The following ESRRG variants were observed in gnomAD, a reference collection of about 807,000 sequenced individuals.
ESRRG encodes estrogen related receptor gamma, also known as estrogen-related receptor gamma.
In ESRRG, 13 loss-of-function variants were observed where a neutral mutation model predicts 44.0. The observed-to-expected ratio is 0.30, with a 90% CI of 0.19 to 0.47. The LOEUF (loss-of-function observed/expected upper bound fraction) is 0.47, where lower values mean the gene tolerates loss of function less well. ESRRG is among the 20% of genes least tolerant of loss of function. The pLI is 1.00. For synonymous variants in ESRRG, 215 were observed against 214.6 expected (o/e 1.00, Z -0.02); for missense variants, 395 against 580.6 (o/e 0.68, Z 3.29).
chr1:217,118,812 T>C (rs1296879503), intron 1 of ESRRG, among the ~76,000 whole-genome samples: 3 of 151,812 alleles, frequency 2.0e-5, no homozygotes, highest in African/African-American at 7.3e-5. Context: ...GGCAACATAA[T>C]GAGACCCCAT....
chr1:216,909,241 T>A (rs1174376237), intron 2 of ESRRG, among the ~76,000 whole-genome samples: 1 of 152,214 alleles, frequency 6.6e-6, no homozygotes, highest in African/African-American at 2.4e-5. Context: ...CAGTGATAAC[T>A]ATAAAATCTC....
intron 1 of ESRRG, among the ~76,000 whole-genome samples, chr1:217,098,512 C>A (rs771075863): frequency 6.6e-6 from 1 of 152,142 alleles, no homozygotes; most frequent in Non-Finnish European, 1.5e-5. Flanking sequence ...AATCGATGCT[C>A]TTTTCCTGGA....
intron 1 of ESRRG, among the ~76,000 whole-genome samples, chr1:217,066,290 T>C (rs972400840): frequency 6.4e-5 from 9 of 141,708 alleles, no homozygotes; most frequent in Non-Finnish European, 1.2e-4. Flanking sequence ...AGTCTCGCTC[T>C]GTCGCCCAGG....
chr1:216,959,055 C>T (rs2068515799), intron 1 of ESRRG, among the ~76,000 whole-genome samples: 1 of 151,944 alleles, frequency 6.6e-6, no homozygotes, highest in Admixed American at 6.6e-5. Flanking sequence ...TCTCTCTTTC[C>T]CTCCCTTTTG....
intron 2 of ESRRG, among the ~76,000 whole-genome samples, chr1:216,855,950 C>T (rs1309890670): frequency 6.6e-6 from 1 of 152,150 alleles, no homozygotes; most frequent in African/African-American, 2.4e-5. Flanking sequence ...TGATGAGGTG[C>T]TTCCTCCAGT....
intron 3 of ESRRG, among the ~76,000 whole-genome samples, chr1:216,643,578 A>G (rs1292083547): frequency 2.6e-5 from 4 of 152,158 alleles, no homozygotes; most frequent in African/African-American, 9.7e-5. Context: ...CAGTGTCCTC[A>G]ACCTTACCAT....
At chr1:216,717,436 C>G (rs2152031257) in intron 1 of ESRRG, among the ~76,000 whole-genome samples, 1 of 151,916 alleles carries the variant, frequency 6.6e-6, no homozygotes, top group East Asian at 1.9e-4. Flanking sequence ...GTAAATCCTT[C>G]AAAAGGCTGT....
chr1:216,627,680 G>C (rs544876278), intron 3 of ESRRG, among the ~76,000 whole-genome samples: 27 of 152,212 alleles, frequency 1.8e-4, no homozygotes, highest in African/African-American at 6.0e-4. Flanking sequence ...GCAGCATTAG[G>C]CTCAAAAACG....
At chr1:216,868,036 C>T (rs2096197902) in intron 2 of ESRRG, among the ~76,000 whole-genome samples, 1 of 149,950 alleles carries the variant, frequency 6.7e-6, no homozygotes, top group Non-Finnish European at 1.5e-5. Flanking sequence ...ACTGGTCTCT[C>T]ACTCAGCATG....
Position 216,632,898 on chromosome 1 carries a change from C to A in ESRRG, c.589+18075G>T. 1.3e-5 allele frequency among the ~76,000 whole-genome samples: 2 copies of A among 152,128 alleles called. 1 individual carries two copies. The highest frequency in any genetic ancestry group is 4.2e-4 in the South Asian group (2 of 4,814). On this transcript the variant is annotated intron_variant, in intron 3 of 6. Transcript: ENST00000408911. ...ATTATTATAAAGTCAATAAATAGAG[C>A]TATAGACAGCTGGCTTTGTATAATA...
chr1:216,872,257 T>C (rs961893497), intron 2 of ESRRG, among the ~76,000 whole-genome samples: 2 of 152,150 alleles, frequency 1.3e-5, no homozygotes, highest in Non-Finnish European at 2.9e-5. Context: ...GCATTTTGAT[T>C]ATGATGTGTC....
chr1:216,555,321 A>G (rs925034911), intron 5 of ESRRG, among the ~76,000 whole-genome samples: 1 of 152,210 alleles, frequency 6.6e-6, no homozygotes, highest in African/African-American at 2.4e-5. Context: ...ACACTTTACT[A>G]TAAATCACTA....
At chr1:216,601,654 G>C (rs531936060) in intron 3 of ESRRG, among the ~76,000 whole-genome samples, 20 of 152,134 alleles carry the variant, frequency 1.3e-4, no homozygotes, top group Non-Finnish European at 2.5e-4. Flanking sequence ...CCTTGCAAGA[G>C]CTGTTGGACC....
At chr1:217,034,388 A>T (rs762459088) in intron 1 of ESRRG, among the ~76,000 whole-genome samples, 1 of 152,130 alleles carries the variant, frequency 6.6e-6, no homozygotes, top group Non-Finnish European at 1.5e-5. Context: ...TTAGAGTTTG[A>T]CAGTTTGAGA....
At chr1:216,778,201 G>A (rs1452988984) in intron 2 of ESRRG, among the ~76,000 whole-genome samples, 5 of 152,126 alleles carry the variant, frequency 3.3e-5, no homozygotes, top group African/African-American at 9.6e-5. Flanking sequence ...TGAGTGGGGA[G>A]GGAAGTAGAA....
chr1:216,518,005 A>G (rs574559120), intron 6 of ESRRG, among the ~76,000 whole-genome samples: 1 of 152,310 alleles, frequency 6.6e-6, no homozygotes, highest in South Asian at 2.1e-4. Context: ...TGTTAATTAC[A>G]AAATCAATTA....
At chr1:216,625,868 T>C (rs991774190) in intron 3 of ESRRG, among the ~76,000 whole-genome samples, 3 of 152,238 alleles carry the variant, frequency 2.0e-5, no homozygotes, top group Non-Finnish European at 4.4e-5. Context: ...ACTGTTTCTT[T>C]CTGTGTCTTT....
chr1:216,946,963 G>A (rs1258815676), intron 1 of ESRRG, among the ~76,000 whole-genome samples: 1 of 152,206 alleles, frequency 6.6e-6, no homozygotes, highest in South Asian at 2.1e-4. Context: ...GCCTCCCTAA[G>A]TGCCATTACA....
chr1:216,925,665 G>T (rs896177908), intron 2 of ESRRG, among the ~76,000 whole-genome samples: 1 of 151,578 alleles, frequency 6.6e-6, no homozygotes, highest in East Asian at 2.0e-4. Flanking sequence ...AAGTGGGTCT[G>T]CTCGGCTGGG....
Sources: allele counts gnomAD v4.1 joint callset (sites outside exome capture counted in the v4.1 genomes callset), GRCh38; gene constraint gnomAD v4.1.1; transcripts MANE v1.5; gene names NCBI Gene and HGNC (gene_info 2026-07-23, HGNC 2026-07-21).